Variants in PKNOX2 observed in about 807,000 individuals in gnomAD.
The protein encoded by PKNOX2 is PBX/knotted 1 homeobox 2, also known as homeobox protein PKNOX2.
Under a neutral mutation model 53.1 loss-of-function variants are expected in PKNOX2, and 14 were observed. The observed-to-expected ratio is 0.26, with a 90% CI of 0.17 to 0.41. PKNOX2 has a LOEUF of 0.41. Ranked by LOEUF, PKNOX2 falls within the 10% of genes least tolerant of loss-of-function variation. PKNOX2 has a pLI of 1.00. For synonymous variants in PKNOX2, 257 were observed against 242.8 expected (o/e 1.06, Z -0.54); for missense variants, 496 against 602.8 (o/e 0.82, Z 1.85).
chr11:125,237,586 A>G (rs1470918780), intron 2 of PKNOX2, among the ~76,000 whole-genome samples: 1 of 152,240 alleles, frequency 6.6e-6, no homozygotes, highest in East Asian at 1.9e-4. Flanking sequence ...TGTTCTCCCT[A>G]GAAAGACAGG....
chr11:125,340,735 T>C (rs1005233276), intron 3 of PKNOX2, among the ~76,000 whole-genome samples: 8 of 152,172 alleles, frequency 5.3e-5, no homozygotes, highest in Admixed American at 5.2e-4. Flanking sequence ...TTATGCTTCT[T>C]GGATTGGCTT....
chr11:125,249,161 A>G (rs1188021425), intron 2 of PKNOX2, among the ~76,000 whole-genome samples: 1 of 151,442 alleles, frequency 6.6e-6, no homozygotes, highest in African/African-American at 2.4e-5. Flanking sequence ...TGGGGATCCT[A>G]TTCCCCTGGG....
chr11:125,332,673 C>T (rs1013247609), intron 3 of PKNOX2: 4 of 152,078 alleles, frequency 2.6e-5, no homozygotes, highest in Admixed American at 1.3e-4. Flanking sequence ...CTCCAAAGGA[C>T]CTTGCCCAGG....
Position 125,209,408 on chromosome 11 carries a change from C to T in PKNOX2, c.-200-25637C>T, listed in dbSNP as rs192306716. Among the ~76,000 whole-genome samples the T allele has an allele frequency of 1.3e-3, 202 of 152,008 alleles. 1 individual carries two copies. Among genetic ancestry groups the T allele is most frequent in the Non-Finnish European group, 2.5e-3 (171 of 67,920 alleles). On this transcript the variant is annotated intron_variant, in intron 1 of 12. Coordinates refer to ENST00000298282, the MANE Select transcript of PKNOX2 (RefSeq NM_001382323.2). ...AGGTACACACACATACACATGTGCG[C>T]GCACACACACTCACAATTGATGGGC...
At chr11:125,194,663 C>T (rs1020268662) in intron 1 of PKNOX2, among the ~76,000 whole-genome samples, 2 of 152,144 alleles carry the variant, frequency 1.3e-5, no homozygotes, top group Non-Finnish European at 2.9e-5. Context: ...GTCCCTTAGG[C>T]CTCATCCCTC....
At chr11:125,186,282 C>A (rs1313798999) in intron 1 of PKNOX2, among the ~76,000 whole-genome samples, 3 of 152,142 alleles carry the variant, frequency 2.0e-5, no homozygotes, top group African/African-American at 7.2e-5. Context: ...GTTATATATT[C>A]TGGATATTAA....
chr11:125,398,504 G>A (rs1954548233), intron 7 of PKNOX2, among the ~76,000 whole-genome samples: 1 of 152,186 alleles, frequency 6.6e-6, no homozygotes, highest in Non-Finnish European at 1.5e-5. Context: ...CCCACCTAAT[G>A]GGTGAAGCCA....
chr11:125,230,176 C>G (rs1942083645), intron 1 of PKNOX2, among the ~76,000 whole-genome samples: 1 of 152,210 alleles, frequency 6.6e-6, no homozygotes, highest in Non-Finnish European at 1.5e-5. Context: ...GAATTAGCAT[C>G]CAGGCCCAGT....
chr11:125,256,559 G>T (rs928966538), intron 2 of PKNOX2, among the ~76,000 whole-genome samples: 1 of 152,178 alleles, frequency 6.6e-6, no homozygotes, highest in Non-Finnish European at 1.5e-5. Flanking sequence ...CACCAAGCCA[G>T]TGCTGGGGTT....
chr11:125,394,836 A>G (rs1565515196), intron 6 of PKNOX2, among the ~76,000 whole-genome samples: 1 of 152,244 alleles, frequency 6.6e-6, no homozygotes, highest in Non-Finnish European at 1.5e-5. Flanking sequence ...ATGTAGATTC[A>G]CATGCAGTTA....
intron 5 of PKNOX2, among the ~76,000 whole-genome samples, chr11:125,375,108 C>G (rs1308079015): frequency 6.6e-6 from 1 of 152,166 alleles, no homozygotes; most frequent in Non-Finnish European, 1.5e-5. Flanking sequence ...GTGGGAAGAA[C>G]CTGAACTGAA....
At chr11:125,431,127 C>A in intron 12 of PKNOX2, 39 bp from the exon 13 acceptor site, 1 of 1,598,382 alleles carries the variant, frequency 6.3e-7, no homozygotes, top group South Asian at 1.1e-5. Context: ...CCCTGACCAG[C>A]AGCCCCTGCC....
chr11:125,388,888 C>A (rs781001391), intron 6 of PKNOX2, among the ~76,000 whole-genome samples: 1 of 152,168 alleles, frequency 6.6e-6, no homozygotes, highest in Non-Finnish European at 1.5e-5. Flanking sequence ...ATTCATCAAC[C>A]ATTAGAGGTA....
At chr11:125,201,323 C>T (rs1938410116) in intron 1 of PKNOX2, among the ~76,000 whole-genome samples, 1 of 152,090 alleles carries the variant, frequency 6.6e-6, no homozygotes, top group Non-Finnish European at 1.5e-5. Flanking sequence ...CTGATGAGCT[C>T]TTCAGAACCT....
chr11:125,203,770 G>T (rs953872893), intron 1 of PKNOX2, among the ~76,000 whole-genome samples: 15 of 152,172 alleles, frequency 9.9e-5, no homozygotes, highest in African/African-American at 3.6e-4. Flanking sequence ...GTCAGCAAAC[G>T]ATTCACTTTA....
chr11:125,274,858 A>T (rs1464102274), intron 2 of PKNOX2, among the ~76,000 whole-genome samples: 3 of 152,160 alleles, frequency 2.0e-5, no homozygotes, highest in Non-Finnish European at 4.4e-5. Context: ...GTTGCTGCAC[A>T]TCCATGTGCA....
intron 10 of PKNOX2, among the ~76,000 whole-genome samples, chr11:125,425,512 C>T (rs367865318): frequency 4.3e-5 from 6 of 140,252 alleles, no homozygotes; most frequent in Non-Finnish European, 8.0e-5. Context: ...CCTCCAATAA[C>T]GATCAGAGAG....
intron 1 of PKNOX2, among the ~76,000 whole-genome samples, chr11:125,217,188 C>G (rs1940631090): frequency 6.6e-6 from 1 of 152,106 alleles, no homozygotes; most frequent in African/African-American, 2.4e-5. Flanking sequence ...ATGAGAGAAG[C>G]CTTTTCTAGG....
rs537215670 is a variant in PKNOX2 at position 125,225,808 on chromosome 11, G to A, written c.-200-9237G>A. On this transcript the variant is annotated intron_variant, in intron 1 of 12. Transcript: ENST00000298282. Reference sequence around the variant, plus strand: ...AAAGTTGGATGCAAAATGAGGTCTTGTTAGCACAAAGAGATGCATGTGTTC... The same window carrying A: ...AAAGTTGGATGCAAAATGAGGTCTTATTAGCACAAAGAGATGCATGTGTTC... 2.6e-5 allele frequency among the ~76,000 whole-genome samples: 4 copies of A among 152,352 alleles called. No individual in the cohort carries two copies. In the South Asian group the frequency reaches 8.3e-4, roughly 32 times the overall value.
Sources: allele counts gnomAD v4.1 joint callset (sites outside exome capture counted in the v4.1 genomes callset), GRCh38; gene constraint gnomAD v4.1.1; transcripts MANE v1.5; gene names NCBI Gene and HGNC (gene_info 2026-07-23, HGNC 2026-07-21).